The following ASIC2 variants were observed in gnomAD, a reference collection of about 807,000 sequenced individuals.
ASIC2 encodes the protein acid sensing ion channel subunit 2, also known as acid-sensing ion channel 2.
In ASIC2, 25 loss-of-function variants were observed where a neutral mutation model predicts 57.3. That is an observed-to-expected ratio of 0.44 (90% CI 0.32 to 0.61). The LOEUF is 0.61. ASIC2 is among the 20% of genes least tolerant of loss of function. The pLI, the probability that ASIC2 is intolerant of heterozygous loss-of-function variation, is 0.06. For synonymous variants in ASIC2, 319 were observed against 307.5 expected (o/e 1.04, Z -0.39); for missense variants, 641 against 738.1 (o/e 0.87, Z 1.52).
chr17:34,027,757 A>C (rs919245061), intron 1 of ASIC2, among the ~76,000 whole-genome samples: 1 of 152,134 alleles, frequency 6.6e-6, no homozygotes, highest in Non-Finnish European at 1.5e-5. Context: ...TGTCTTTATC[A>C]TCCCTCTCCT....
intron 1 of ASIC2, among the ~76,000 whole-genome samples, chr17:33,228,487 G>A (rs555731064): frequency 3.9e-4 from 59 of 152,374 alleles, no homozygotes; most frequent in African/African-American, 1.3e-3. Context: ...ATCCACGTGC[G>A]CATGGCACGT....
chr17:33,123,497 T>A (rs555050564), intron 1 of ASIC2, among the ~76,000 whole-genome samples: 283 of 152,300 alleles, frequency 1.9e-3, no homozygotes, highest in African/African-American at 6.2e-3. Flanking sequence ...GCTTTTTTTT[T>A]AAACAGTTGC....
chr17:33,125,325 C>G (rs2092319073), intron 1 of ASIC2, among the ~76,000 whole-genome samples: 1 of 152,190 alleles, frequency 6.6e-6, no homozygotes, highest in African/African-American at 2.4e-5. Context: ...CATGAGTTTG[C>G]CACTTACTAG....
At position 33,323,935 on chromosome 17, in the gene ASIC2, A is replaced by G. The variant is rs188000472; in HGVS notation, c.556-211868T>C. The stretch of plus-strand genomic sequence containing the variant: ...TATTCTTGTTTTTGCTTTGGGCATT[A>G]GTAACATGAAGGTGTTCACTTGGTG... On this transcript the variant is annotated intron_variant, in intron 1 of 9. Transcript: ENST00000359872. 3.2e-4 allele frequency among the ~76,000 whole-genome samples: 48 copies of G among 152,046 alleles called. 1 individual carries two copies. The highest frequency in any genetic ancestry group is 3.7e-4 in the Non-Finnish European group (25 of 68,026).
intron 1 of ASIC2, among the ~76,000 whole-genome samples, chr17:34,108,711 T>C (rs1402673739): frequency 6.6e-6 from 1 of 152,166 alleles, no homozygotes; most frequent in African/African-American, 2.4e-5. Flanking sequence ...GTTTTATCAA[T>C]GACTAAGAAG....
At chr17:33,929,467 T>C (rs1161513580) in intron 1 of ASIC2, among the ~76,000 whole-genome samples, 18 of 152,216 alleles carry the variant, frequency 1.2e-4, no homozygotes, top group Non-Finnish European at 1.5e-5. Context: ...AGCCCTGGAT[T>C]GCATTTGCAT....
chr17:33,729,170 T>A (rs906142580), intron 1 of ASIC2, among the ~76,000 whole-genome samples: 2 of 152,176 alleles, frequency 1.3e-5, no homozygotes, highest in East Asian at 3.9e-4. Flanking sequence ...CAGCGTCTGC[T>A]TCTAGGGAGG....
At chr17:33,269,672 T>TTCCTTCTTTCCTTTTTCTAGTTTG (rs1281999914) in intron 1 of ASIC2, among the ~76,000 whole-genome samples, 2 of 74,888 alleles carry the variant, frequency 2.7e-5, no homozygotes, top group Admixed American at 1.5e-4. Context: ...CCTTCCTTCC[T>TTCCTTCTTTCCTTTTTCTAGTTTG]TCCCTCCCTC....
At chr17:33,780,924 C>T (rs553079551) in intron 1 of ASIC2, among the ~76,000 whole-genome samples, 1 of 152,302 alleles carries the variant, frequency 6.6e-6, no homozygotes. Flanking sequence ...TGCTCTGAGC[C>T]TCAGTTCTCT....
intron 1 of ASIC2, among the ~76,000 whole-genome samples, chr17:33,623,762 C>T (rs12950806): frequency 0.012 from 1,810 of 152,214 alleles, 21 homozygotes; most frequent in Non-Finnish European, 0.017. Context: ...ATAACATTCC[C>T]TAACTACATT....
intron 3 of ASIC2, among the ~76,000 whole-genome samples, chr17:33,063,342 T>C (rs2092028912): frequency 6.6e-6 from 1 of 152,340 alleles, no homozygotes; most frequent in African/African-American, 2.4e-5. Context: ...CAGGAGCTCT[T>C]GTAGGGCAGG....
chr17:34,021,823 TTG>T (rs1202360404), intron 1 of ASIC2, among the ~76,000 whole-genome samples: 1 of 144,488 alleles, frequency 6.9e-6, no homozygotes, highest in Non-Finnish European at 1.5e-5. Flanking sequence ...GTTGTTGGTT[TTG>T]TGTTTTGTTT....
chr17:33,304,390 T>C (rs1039602240), intron 1 of ASIC2, among the ~76,000 whole-genome samples: 7 of 152,216 alleles, frequency 4.6e-5, no homozygotes, highest in Admixed American at 4.6e-4. Context: ...CCAAGCAAGC[T>C]TACCAGGACC....
At chr17:33,296,910 G>A (rs1439589036), upstream of ASIC2, among the ~76,000 whole-genome samples, 1 of 152,160 alleles carries the variant, frequency 6.6e-6, no homozygotes, top group Non-Finnish European at 1.5e-5. Flanking sequence ...GCCCACTGTA[G>A]GAATCCGTTC....
chr17:33,273,562 G>A (rs1224450492), intron 1 of ASIC2, among the ~76,000 whole-genome samples: 1 of 152,084 alleles, frequency 6.6e-6, no homozygotes, highest in East Asian at 1.9e-4. Context: ...GTGGAGGTGG[G>A]GAGTACTCCT....
chr17:34,029,031 T>C (rs1023319989), intron 1 of ASIC2, among the ~76,000 whole-genome samples: 5 of 152,188 alleles, frequency 3.3e-5, no homozygotes, highest in African/African-American at 1.2e-4. Flanking sequence ...ACTTGAAGTC[T>C]TTGACTTCGT....
intron 1 of ASIC2, among the ~76,000 whole-genome samples, chr17:33,527,926 C>T (rs1025221077): frequency 2.0e-5 from 3 of 152,222 alleles, no homozygotes; most frequent in African/African-American, 4.8e-5. Context: ...AGGCCACTTT[C>T]GCTTTGACAT....
intron 1 of ASIC2, among the ~76,000 whole-genome samples, chr17:33,835,163 G>T (rs1479823028): frequency 6.6e-6 from 1 of 152,140 alleles, no homozygotes; most frequent in Non-Finnish European, 1.5e-5. Flanking sequence ...GTGGTCAAGG[G>T]GGTTGGCTCT....
intron 1 of ASIC2, among the ~76,000 whole-genome samples, chr17:33,752,139 C>A (rs961340810): frequency 6.6e-5 from 10 of 152,140 alleles, no homozygotes; most frequent in Non-Finnish European, 1.5e-4. Context: ...GGAACACATA[C>A]ACAGAGTAGG....
Sources: gnomAD v4.1 joint callset for allele counts (sites outside exome capture counted in the v4.1 genomes callset) on GRCh38, gnomAD v4.1.1 for gene constraint, MANE v1.5 for transcripts, NCBI Gene and HGNC (gene_info 2026-07-23, HGNC 2026-07-21) for gene names.